The following COL5A2 variants were observed in gnomAD, a reference collection of about 807,000 sequenced individuals.
COL5A2 encodes collagen alpha-2(V) chain.
COL5A2 carries 23 observed loss-of-function variants against 208.2 expected under a neutral mutation model. That is an observed-to-expected ratio of 0.11 (90% confidence interval 0.08 to 0.16). The LOEUF is 0.16. Ranked by LOEUF, COL5A2 falls within the 10% of genes least tolerant of loss-of-function variation. The pLI, the probability that COL5A2 is intolerant of heterozygous loss-of-function variation, is 1.00. For missense variants in COL5A2, 1,590 were observed against 1,956.4 expected, an observed-to-expected ratio of 0.81 and a Z score of 3.53; for synonymous variants, 625 against 628.5, an observed-to-expected ratio of 0.99 and a Z score of 0.08.
chr2:189,075,583 C>T (rs1481598052), intron 16 of COL5A2, 146 bp from the exon 17 acceptor site: 1 of 640,390 alleles, frequency 1.6e-6, no homozygotes, highest in Non-Finnish European at 2.8e-6. Context: ...CAGTTAATAG[C>T]AATATAAATA....
intron 1 of COL5A2, among the ~76,000 whole-genome samples, chr2:189,156,992 G>A (rs1488745420): frequency 6.6e-6 from 1 of 151,866 alleles, no homozygotes; most frequent in Admixed American, 6.6e-5. Context: ...CTATGTAATA[G>A]TTCTAACTAC....
the COL5A2 span, among the ~76,000 whole-genome samples, chr2:189,286,416 C>A: frequency 6.6e-6 from 1 of 152,130 alleles, no homozygotes; most frequent in Non-Finnish European, 1.5e-5. Flanking sequence ...AAGGGCTAGA[C>A]AATTCTATGA....
chr2:189,191,159 C>CCAAAAAAAAAAAA (rs1688919980), intron 1 of COL5A2, among the ~76,000 whole-genome samples: 4 of 19,122 alleles, frequency 2.1e-4, no homozygotes, highest in Non-Finnish European at 1.2e-3. Context: ...AAACAAAAAA[C>CCAAAAAAAAAAAA]AAACAAACAA....
intron 2 of COL5A2, 25 bp from the exon 3 acceptor site, chr2:189,104,302 G>A: frequency 7.0e-7 from 1 of 1,420,190 alleles, no homozygotes; most frequent in Non-Finnish European, 9.9e-7. Context: ...GAGTAAATGT[G>A]TTATTTTATG....
chr2:189,058,960 T>G, intron 31 of COL5A2, 67 bp from the exon 32 acceptor site: 2 of 1,348,490 alleles, frequency 1.5e-6, no homozygotes, highest in East Asian at 2.3e-5. Flanking sequence ...CAGAAAACTT[T>G]CCAGTTCATA....
the COL5A2 span, among the ~76,000 whole-genome samples, chr2:189,274,709 T>C: frequency 6.6e-6 from 1 of 152,096 alleles, no homozygotes; most frequent in Non-Finnish European, 1.5e-5. Context: ...CTGTGGGAAA[T>C]TGTATCAAAA....
At chr2:189,278,727 A>G in the COL5A2 span, among the ~76,000 whole-genome samples, 7 of 151,978 alleles carry the variant, frequency 4.6e-5, no homozygotes, top group African/African-American at 7.2e-5. Context: ...CTGCTCTTAG[A>G]TACTGATACT....
At chr2:189,129,166 C>T (rs907290756) in intron 1 of COL5A2, among the ~76,000 whole-genome samples, 1 of 151,464 alleles carries the variant, frequency 6.6e-6, no homozygotes, top group South Asian at 2.1e-4. Context: ...AAAAGAAAAA[C>T]ATTTCACACG....
In COL5A2 at chr2:189,066,391, C is replaced by T. The variant is rs559774797; in HGVS notation, c.1562G>A (p.Arg521Lys). The change falls in exon 23 of 54, where the codon AGG becomes AAG. Residue 521 changes from arginine to lysine, a missense_variant and splice_region_variant. Physicochemically the swap from Arg to Lys is conservative, Grantham distance 26. Coordinates refer to ENST00000374866, the MANE Select transcript of COL5A2 (RefSeq NM_000393.5). ...TVGPPGPVGE[R>K]GAPGNRGFPG... ...ATGTGTTGTATTATTTAAATTTACCCTTTCTCCCACTGGCCCTGGAGGACC... is the reference window on the plus strand; with the variant it reads ...ATGTGTTGTATTATTTAAATTTACCTTTTCTCCCACTGGCCCTGGAGGACC... 2.5e-6 allele frequency: 4 copies of T among 1,612,966 alleles called. No individual in the cohort carries two copies. Among genetic ancestry groups the T allele is most frequent in the African/African-American group, 2.7e-5 (2 of 74,888 alleles).
intron 1 of COL5A2, among the ~76,000 whole-genome samples, chr2:189,192,124 T>A (rs188885228): frequency 6.6e-6 from 1 of 152,198 alleles, no homozygotes; most frequent in Non-Finnish European, 1.5e-5. Context: ...AAGTGGAAGA[T>A]ACACACAGGT....
At chr2:189,364,975 G>A in the COL5A2 span, among the ~76,000 whole-genome samples, 6 of 152,112 alleles carry the variant, frequency 3.9e-5, no homozygotes, top group South Asian at 2.1e-4. Flanking sequence ...TAACTTCTCC[G>A]TAAATCTGAA....
At chr2:189,378,656 G>A in the COL5A2 span, among the ~76,000 whole-genome samples, 6 of 151,814 alleles carry the variant, frequency 4.0e-5, no homozygotes, top group South Asian at 6.3e-4. Flanking sequence ...CCCAGGAGGC[G>A]GAGCTTGCAG....
At chr2:189,388,404 G>A in the COL5A2 span, among the ~76,000 whole-genome samples, 1 of 152,164 alleles carries the variant, frequency 6.6e-6, no homozygotes, top group Admixed American at 6.5e-5. Flanking sequence ...TAGTCCTGGG[G>A]TGGAAACAAA....
the COL5A2 span, among the ~76,000 whole-genome samples, chr2:189,361,095 T>A: frequency 2.0e-5 from 3 of 152,120 alleles, no homozygotes; most frequent in South Asian, 6.2e-4. Context: ...GATGGAATGT[T>A]TTGTAAATGT....
the COL5A2 span, among the ~76,000 whole-genome samples, chr2:189,339,079 A>C: frequency 6.6e-6 from 1 of 152,220 alleles, no homozygotes; most frequent in South Asian, 2.1e-4. Flanking sequence ...AGGCGGGCAC[A>C]GTGGCTCACA....
intron 1 of COL5A2, among the ~76,000 whole-genome samples, chr2:189,195,515 T>C (rs1016418754): frequency 6.6e-6 from 1 of 152,138 alleles, no homozygotes; most frequent in Non-Finnish European, 1.5e-5. Context: ...AAGACAATCC[T>C]AAGCAAAAAG....
chr2:189,160,909 C>A (rs1349635680), intron 1 of COL5A2, among the ~76,000 whole-genome samples: 2 of 147,542 alleles, frequency 1.4e-5, no homozygotes, highest in African/African-American at 5.0e-5. Context: ...CAGCTTGCTG[C>A]AACCTCTGCC....
chr2:189,190,763 T>C (rs905398393), intron 1 of COL5A2, among the ~76,000 whole-genome samples: 2 of 152,238 alleles, frequency 1.3e-5, no homozygotes, highest in Admixed American at 1.3e-4. Flanking sequence ...GACTTATTCA[T>C]CCTAATATGC....
At chr2:189,330,151 T>C in the COL5A2 span, among the ~76,000 whole-genome samples, 9 of 152,160 alleles carry the variant, frequency 5.9e-5, no homozygotes, top group African/African-American at 2.2e-4. Flanking sequence ...ATGTCAATAG[T>C]GTAGCAAACG....
Sources: gnomAD v4.1 joint callset for allele counts (sites outside exome capture counted in the v4.1 genomes callset) on GRCh38, gnomAD v4.1.1 for gene constraint, MANE v1.5 for transcripts, NCBI Gene and HGNC (gene_info 2026-07-23, HGNC 2026-07-21) for gene names.